Variants in CFAP61 observed in about 807,000 individuals in gnomAD.
CFAP61 encodes the protein cilia- and flagella-associated protein 61.
CFAP61 carries 107 observed loss-of-function variants against 135.6 expected under a neutral mutation model. The ratio of observed to expected loss-of-function variants is 0.79; its 90% confidence interval spans 0.67 to 0.93. CFAP61 has a LOEUF of 0.93. CFAP61 is among the 40% of genes least tolerant of loss of function. The pLI, the probability that CFAP61 is intolerant of heterozygous loss-of-function variation, is 0.00. For missense variants in CFAP61, 1,507 were observed against 1,556.2 expected, an observed-to-expected ratio of 0.97 and a Z score of 0.53; for synonymous variants, 575 against 578.5, an observed-to-expected ratio of 0.99 and a Z score of 0.09.
At chr20:20,119,935 A>C (rs59272582) in intron 8 of CFAP61, among the ~76,000 whole-genome samples, 14,990 of 152,174 alleles carry the variant, frequency 0.099, 1,559 homozygotes, top group East Asian at 0.6. Flanking sequence ...GGATAACGGC[A>C]TCCAGCTCCA....
At chr20:20,316,147 G>A (rs1390434359) in intron 25 of CFAP61, among the ~76,000 whole-genome samples, 5 of 151,724 alleles carry the variant, frequency 3.3e-5, no homozygotes, top group Non-Finnish European at 5.9e-5. Flanking sequence ...CCATTTTCAC[G>A]ATATTGATTC....
chr20:20,115,625 A>G (rs1046469773), intron 8 of CFAP61, among the ~76,000 whole-genome samples: 1 of 152,134 alleles, frequency 6.6e-6, no homozygotes, highest in African/African-American at 2.4e-5. Context: ...GGTAACCACC[A>G]ATCTACTCTC....
intron 9 of CFAP61, among the ~76,000 whole-genome samples, chr20:20,148,444 A>G (rs6046655): frequency 0.9 from 137,260 of 152,194 alleles, 62,701 homozygotes; most frequent in Middle Eastern, 0.99. Flanking sequence ...GTGTTTTGTA[A>G]TTTTCCTTGT....
intron 26 of CFAP61, among the ~76,000 whole-genome samples, chr20:20,346,003 G>T (rs1400029246): frequency 1.5e-5 from 2 of 129,830 alleles, no homozygotes; most frequent in Non-Finnish European, 3.2e-5. Context: ...CCGGGTTCAC[G>T]CCATTCTCCT....
chr20:20,324,288 G>A (rs6136995), intron 25 of CFAP61, among the ~76,000 whole-genome samples: 1 of 151,794 alleles, frequency 6.6e-6, no homozygotes, highest in Non-Finnish European at 1.5e-5. Context: ...TTCTCCCTCC[G>A]CTCAGTCCCA....
intron 9 of CFAP61, among the ~76,000 whole-genome samples, chr20:20,155,076 A>G (rs1034831133): frequency 5.3e-5 from 8 of 152,166 alleles, no homozygotes; most frequent in Admixed American, 5.2e-4. Flanking sequence ...TAAAATAGGC[A>G]TGTAGACCAA....
chr20:20,067,320 C>T (rs893230231), intron 2 of CFAP61, among the ~76,000 whole-genome samples: 8 of 152,136 alleles, frequency 5.3e-5, no homozygotes, highest in South Asian at 4.1e-4. Context: ...TGGTAGCTCA[C>T]GCCTGTAATC....
At chr20:20,146,605 A>T (rs568820824) in intron 9 of CFAP61, among the ~76,000 whole-genome samples, 1 of 152,352 alleles carries the variant, frequency 6.6e-6, no homozygotes, top group East Asian at 1.9e-4. Context: ...ATATATCTTG[A>T]GGATAACATT....
intron 13 of CFAP61, among the ~76,000 whole-genome samples, chr20:20,185,141 A>G (rs1375924404): frequency 6.6e-6 from 1 of 152,218 alleles, no homozygotes; most frequent in Non-Finnish European, 1.5e-5. Context: ...TGTTTGTTTA[A>G]TGAAGCTCGT....
chr20:20,137,585 A>C (rs1028403163), intron 8 of CFAP61, among the ~76,000 whole-genome samples: 1 of 152,142 alleles, frequency 6.6e-6, no homozygotes, highest in Non-Finnish European at 1.5e-5. Flanking sequence ...CTAAAGGCCC[A>C]AGGGCTCTTC....
intron 25 of CFAP61, among the ~76,000 whole-genome samples, chr20:20,325,420 C>T (rs1383897060): frequency 6.6e-6 from 1 of 152,214 alleles, no homozygotes; most frequent in Non-Finnish European, 1.5e-5. Context: ...AAGCTTCTGG[C>T]AACCGCTCAT....
chr20:20,285,660 A>G (rs2054530370), intron 22 of CFAP61, among the ~76,000 whole-genome samples: 1 of 152,182 alleles, frequency 6.6e-6, no homozygotes, highest in Admixed American at 6.5e-5. Flanking sequence ...GCTCACGCCT[A>G]TAAACCTAGC....
chr20:20,273,129 T>C (rs2053490847), intron 21 of CFAP61, among the ~76,000 whole-genome samples: 1 of 151,264 alleles, frequency 6.6e-6, no homozygotes, highest in South Asian at 2.1e-4. Context: ...AGTCCTCCTG[T>C]CTTGGCCTCC....
intron 8 of CFAP61, among the ~76,000 whole-genome samples, chr20:20,108,193 G>A (rs1163417821): frequency 6.6e-6 from 1 of 152,148 alleles, no homozygotes; most frequent in Admixed American, 6.5e-5. Flanking sequence ...CTGATGCTCT[G>A]AAGGTTGACT....
Position 20,186,919 on chromosome 20 carries a change from T to C in CFAP61, c.1386-1011T>C, listed in dbSNP as rs533919211. On this transcript the variant is annotated intron_variant, in intron 13 of 26. Coordinates refer to ENST00000245957, the MANE Select transcript of CFAP61 (RefSeq NM_015585.4). ...TAGCTACATAATATACAGGACCCAT[T>C]ACAAAATGAAAATGTGAGGCTCTGG... Among the ~76,000 whole-genome samples, 4 of 152,232 alleles carry C rather than the reference T, an allele frequency of 2.6e-5. No individual in the cohort carries two copies. The East Asian group carries it at 7.7e-4, about 29-fold the overall frequency.
intron 25 of CFAP61, among the ~76,000 whole-genome samples, chr20:20,328,062 G>C (rs1274606556): frequency 1.3e-5 from 2 of 152,172 alleles, no homozygotes. Flanking sequence ...TGGTTTCAGT[G>C]CTGCTTCGCT....
At chr20:20,074,281 G>A (rs370771628) in intron 3 of CFAP61, 21 bp from the exon 4 acceptor site, 49 of 1,609,286 alleles carry the variant, frequency 3.0e-5, no homozygotes, top group African/African-American at 2.0e-4. Context: ...CCTTTAATCC[G>A]TGTTCTCTCT....
chr20:20,290,213 T>C (rs767680099), intron 23 of CFAP61, 87 bp from the exon 24 acceptor site: 56 of 840,786 alleles, frequency 6.7e-5, no homozygotes, highest in Non-Finnish European at 1.1e-4. Flanking sequence ...ACTGCAGGCA[T>C]CTGTTTGTCC....
At chr20:20,239,770 G>A (rs752849909) in intron 18 of CFAP61, among the ~76,000 whole-genome samples, 5 of 152,164 alleles carry the variant, frequency 3.3e-5, no homozygotes, top group Non-Finnish European at 4.4e-5. Context: ...AACAAAGGTA[G>A]GGATTTTAAA....
Sources: gnomAD v4.1 joint callset for allele counts (sites outside exome capture counted in the v4.1 genomes callset) on GRCh38, gnomAD v4.1.1 for gene constraint, MANE v1.5 for transcripts, NCBI Gene and HGNC (gene_info 2026-07-23, HGNC 2026-07-21) for gene names.